Variants in MSH3 observed in about 807,000 individuals in gnomAD.
MSH3 encodes the protein mutS homolog 3.
In MSH3, 106 loss-of-function variants were observed where a neutral mutation model predicts 123.3. That is an observed-to-expected ratio of 0.86 (90% confidence interval 0.73 to 1.01). The LOEUF (loss-of-function observed/expected upper bound fraction) is 1.01, where lower values mean the gene tolerates loss of function less well. MSH3 is among the 50% of genes least tolerant of loss of function. The probability of loss-of-function intolerance (pLI) is 0.00; values close to 1 mark genes in which losing one functional copy is unlikely to be tolerated. For missense variants in MSH3, 1,459 were observed against 1,347.6 expected, an observed-to-expected ratio of 1.08 and a Z score of -1.29; for synonymous variants, 515 against 481.4, an observed-to-expected ratio of 1.07 and a Z score of -0.91.
Position 80,757,692 on chromosome 5 carries a change from T to C in MSH3, c.1764-3854T>C, listed in dbSNP as rs6151774. 2.1e-3 allele frequency among the ~76,000 whole-genome samples: 314 copies of C among 152,292 alleles called. 2 individuals carry two copies. Among genetic ancestry groups the C allele is most frequent in the African/African-American group, 7.5e-3 (311 of 41,570 alleles). On this transcript the variant is annotated intron_variant, in intron 12 of 23. Transcript: ENST00000265081. ...AATACTATCAGTCATCTTGGAATAA[T>C]ATCTTTATCATCATCCAATTGATGA...
chr5:80,760,048 C>T (rs1307830826), intron 12 of MSH3, among the ~76,000 whole-genome samples: 1 of 152,134 alleles, frequency 6.6e-6, no homozygotes, highest in Admixed American at 6.5e-5. Flanking sequence ...AATCGAAAGT[C>T]CTCAGTCTGA....
rs1749808647 is a variant in MSH3, at chr5:80,675,054, T to C, written c.1099T>C (p.Tyr367His). The C allele has an allele frequency of 6.2e-7, 1 of 1,613,578 alleles. No individual in the cohort carries two copies. Among genetic ancestry groups the C allele is most frequent in the Non-Finnish European group, 8.5e-7 (1 of 1,179,610 alleles). ...DEIMTDTSTS[Y>H]LLCISENKEN... Reference sequence around the variant, plus strand: ...GATAATGACTGATACTTCTACCAGCTATCTTCTGTGCATCTCTGAAAATAA... The same window carrying C: ...GATAATGACTGATACTTCTACCAGCCATCTTCTGTGCATCTCTGAAAATAA... The change falls in exon 7 of 24, where the codon TAT becomes CAT. Residue 367 changes from tyrosine (Y) to histidine (H), a missense_variant. By Grantham distance (83) the Tyr-to-His change is moderately conservative. Transcript: ENST00000265081.
intron 17 of MSH3, 40 bp from the exon 18 acceptor site, chr5:80,787,525 C>G: frequency 1.6e-6 from 2 of 1,266,274 alleles, no homozygotes; most frequent in Non-Finnish European, 2.3e-6. Context: ...TTTAAGATAT[C>G]AGTTTGCTCA....
intron 7 of MSH3, among the ~76,000 whole-genome samples, chr5:80,678,568 G>A (rs1327618189): frequency 3.3e-5 from 5 of 152,136 alleles, no homozygotes; most frequent in Non-Finnish European, 7.4e-5. Context: ...TTTATAATTT[G>A]ATCCTTACAA....
intron 2 of MSH3, among the ~76,000 whole-genome samples, chr5:80,658,843 C>T (rs1749357845): frequency 6.6e-6 from 1 of 152,188 alleles, no homozygotes; most frequent in South Asian, 2.1e-4. Flanking sequence ...AGCCATCCTC[C>T]TGCCTCAGCC....
At chr5:80,831,894 G>A (rs944572779) in intron 20 of MSH3, among the ~76,000 whole-genome samples, 2 of 152,040 alleles carry the variant, frequency 1.3e-5, no homozygotes, top group Non-Finnish European at 2.9e-5. Flanking sequence ...GGATCACGAG[G>A]TCAGGAGATC....
chr5:80,768,766 T>C, intron 14 of MSH3, 69 bp from the exon 15 acceptor site: 3 of 1,358,168 alleles, frequency 2.2e-6, no homozygotes, highest in Non-Finnish European at 3.1e-6. Flanking sequence ...TATCACACTA[T>C]GAAAAATAAG....
At chr5:80,712,869 G>A (rs1271126938) in intron 8 of MSH3, among the ~76,000 whole-genome samples, 3 of 152,036 alleles carry the variant, frequency 2.0e-5, no homozygotes, top group East Asian at 3.9e-4. Context: ...CCTACTGTGA[G>A]CACTGATAAA....
At chr5:80,854,718 T>C (rs1285332303) in intron 21 of MSH3, among the ~76,000 whole-genome samples, 1 of 152,220 alleles carries the variant, frequency 6.6e-6, no homozygotes, top group Non-Finnish European at 1.5e-5. Context: ...CACACTGAAT[T>C]CAGACAGATT....
Position 80,672,347 on chromosome 5 carries a change from C to T in MSH3, c.896C>T (p.Ala299Val), listed in dbSNP as rs1580551915. The T allele has an allele frequency of 1.9e-6, 3 of 1,612,262 alleles. No homozygotes were observed. Among genetic ancestry groups the T allele is most frequent in the Admixed American group, 1.7e-5 (1 of 60,006 alleles). ...RLFVHVRRLV[A>V]KGYKVGVVKQ... ...TTTGTTCATGTACGCCGCCTGGTGG[C>T]AAAAGGATATAAGGTCAGCTTTGGC... Residue 299 changes from alanine (A) to valine (V), a missense_variant, in exon 5 of 24, where the codon GCA becomes GTA. By Grantham distance (64) the Ala-to-Val change is moderately conservative. Transcript: ENST00000265081.
chr5:80,827,500 A>G (rs1290416959), intron 20 of MSH3, among the ~76,000 whole-genome samples: 1 of 152,238 alleles, frequency 6.6e-6, no homozygotes, highest in East Asian at 1.9e-4. Context: ...TACAAAATAT[A>G]TTCTTTATGG....
intron 12 of MSH3, 133 bp from the exon 13 acceptor site, chr5:80,761,413 A>G (rs1379752639): frequency 9.3e-7 from 1 of 1,073,672 alleles, no homozygotes; most frequent in Admixed American, 1.9e-5. Flanking sequence ...CCACATGACT[A>G]TCTCAGTATG....
chr5:80,819,730 G>A (rs920842574), intron 20 of MSH3, among the ~76,000 whole-genome samples: 18 of 151,924 alleles, frequency 1.2e-4, no homozygotes, highest in Admixed American at 5.2e-4. Flanking sequence ...CAGGTGATCC[G>A]CCCGCCTTGA....
intron 20 of MSH3, among the ~76,000 whole-genome samples, chr5:80,847,972 T>C (rs245358): frequency 0.87 from 132,023 of 152,302 alleles, 57,318 homozygotes; most frequent in East Asian, 1. Flanking sequence ...TGGCTCACGC[T>C]TGTAATCCAA....
intron 8 of MSH3, among the ~76,000 whole-genome samples, chr5:80,707,312 T>A (rs1029965286): frequency 2.0e-5 from 3 of 152,278 alleles, no homozygotes; most frequent in Non-Finnish European, 4.4e-5. Flanking sequence ...TTGGCTATTT[T>A]CATTAAAGTT....
chr5:80,788,483 G>A (rs1247393021), intron 18 of MSH3, among the ~76,000 whole-genome samples: 1 of 151,812 alleles, frequency 6.6e-6, no homozygotes, highest in East Asian at 1.9e-4. Context: ...CATACAAGTT[G>A]TATGTCTTCC....
chr5:80,774,205 T>A lies in MSH3; in HGVS notation c.2254-1489T>A, dbSNP rs575592186. On this transcript the variant is annotated intron_variant, in intron 15 of 23. Transcript: ENST00000265081. Reference sequence around the variant, plus strand: ...AGAGAACCTTATTTGCAGAGCACAGTTGGATCTATAAATATATTATGAATG... The same window carrying A: ...AGAGAACCTTATTTGCAGAGCACAGATGGATCTATAAATATATTATGAATG... Among the ~76,000 whole-genome samples, 7 of 152,288 alleles carry A rather than the reference T, an allele frequency of 4.6e-5. No individual in the cohort carries two copies. The South Asian group carries it at 6.2e-4, about 14-fold the overall frequency.
At position 80,679,081 on chromosome 5, in the gene MSH3, C is replaced by T. The variant is rs1580556608; in HGVS notation, c.1328C>T (p.Ala443Val). ...SEQTEALIHR[A>V]TSVSVQDDRI... ...CAAACAGAGGCGCTCATCCACAGAG[C>T]CACATCTGTTAGGTAAGTTGGCACA... Residue 443 changes from alanine to valine, a missense_variant, in exon 8 of 24, where the codon GCC becomes GTC. Physicochemically the swap from Ala to Val is moderately conservative, Grantham distance 64. Coordinates refer to ENST00000265081, the MANE Select transcript of MSH3 (RefSeq NM_002439.5). 6.2e-7 allele frequency: 1 copy of T among 1,613,968 alleles called. No individual in the cohort carries two copies. The highest frequency in any genetic ancestry group is 8.5e-7 in the Non-Finnish European group (1 of 1,179,970).
rs1001035027 is a variant in MSH3 at position 80,737,475 on chromosome 5, A to G, written c.1569-3989A>G. Among the ~76,000 whole-genome samples the G allele has an allele frequency of 6.6e-5, 10 of 152,264 alleles. No homozygotes were observed. In the South Asian group the frequency reaches 1.0e-3, roughly 16 times the overall value. ...GAAATATTGATAAAACTATTTTCCC[A>G]TGTTATATATAAGATTTCTATGCAG... On this transcript the variant is annotated intron_variant, in intron 10 of 23. Coordinates refer to ENST00000265081, the MANE Select transcript of MSH3 (RefSeq NM_002439.5).
Sources: gnomAD v4.1 joint callset for allele counts (sites outside exome capture counted in the v4.1 genomes callset) on GRCh38, gnomAD v4.1.1 for gene constraint, MANE v1.5 for transcripts, NCBI Gene and HGNC (gene_info 2026-07-23, HGNC 2026-07-21) for gene names.